Variants in RAF1 observed in about 807,000 individuals in gnomAD.
RAF1 encodes the protein Raf-1 proto-oncogene, serine/threonine kinase, also known as RAF proto-oncogene serine/threonine-protein kinase.
A neutral mutation model predicts 81.1 loss-of-function variants in RAF1; 27 were observed. That is an observed-to-expected ratio of 0.33 (90% CI 0.25 to 0.46). The LOEUF (loss-of-function observed/expected upper bound fraction) is 0.46. Ranked by LOEUF, RAF1 falls within the 20% of genes least tolerant of loss-of-function variation. The pLI, the probability that RAF1 is intolerant of heterozygous loss-of-function variation, is 1.00. For missense variants in RAF1, 598 were observed against 826.0 expected (o/e 0.72, Z 3.38); for synonymous variants, 298 against 294.0 (o/e 1.01, Z -0.14).
chr3:12,608,622 ACT>A, intron 5 of RAF1, 142 bp downstream of exon 5: 1 of 949,740 alleles, frequency 1.1e-6, no homozygotes, highest in South Asian at 1.4e-5. Flanking sequence ...CAGAATTATC[ACT>A]GTTTCTAAAG....
intron 2 of RAF1, among the ~76,000 whole-genome samples, chr3:12,617,451 G>A (rs1436298037): frequency 6.6e-6 from 1 of 151,882 alleles, no homozygotes; most frequent in East Asian, 1.9e-4. Context: ...GATGGGGTTT[G>A]CCACGTTGCC....
rs767277606 is a variant in RAF1 at position 12,584,586 on chromosome 3, C to T, written c.1935G>A (p.Leu645=). The T allele has an allele frequency of 8.7e-6, 14 of 1,614,160 alleles. No homozygotes were observed. Among genetic ancestry groups the T allele is most frequent in the Admixed American group, 1.7e-5 (1 of 60,020 alleles). ...TATCCTCAGTGTGGGCTGCCCGATG[C>T]AAGGATGGCTCGGAAGCGCTCCGGT... Residue 645 remains leucine (L), a synonymous_variant, in exon 18 of 18, where the codon TTG becomes TTA. Coordinates refer to ENST00000442415, the MANE Select transcript of RAF1 (RefSeq NM_001354689.3).
At chr3:12,661,402 T>A (rs1042436881) in intron 1 of RAF1, among the ~76,000 whole-genome samples, 11 of 152,060 alleles carry the variant, frequency 7.2e-5, no homozygotes, top group African/African-American at 2.7e-4. Context: ...GGGGAGTACA[T>A]TACTTATATT....
chr3:12,617,229 C>T (rs1488795373), intron 2 of RAF1, among the ~76,000 whole-genome samples: 1 of 152,222 alleles, frequency 6.6e-6, no homozygotes, highest in East Asian at 1.9e-4. Context: ...TCTCCTGCCT[C>T]AGCCTCCCAA....
intron 1 of RAF1, among the ~76,000 whole-genome samples, chr3:12,654,687 T>TG (rs61390908): frequency 4.1e-5 from 5 of 120,520 alleles, no homozygotes; most frequent in Middle Eastern, 4.2e-3. Context: ...TTTTTTTTTT[T>TG]GCTTATTTTT....
chr3:12,659,980 T>C (rs1318516881), intron 1 of RAF1, among the ~76,000 whole-genome samples: 1 of 152,214 alleles, frequency 6.6e-6, no homozygotes, highest in Non-Finnish European at 1.5e-5. Flanking sequence ...ATACATTTAC[T>C]AGTAATAGAC....
chr3:12,585,203 C>T lies in RAF1; in HGVS notation c.1647G>A (p.Ser549=), dbSNP rs114687276. ...ATACGATGCCATAGGAGTAGACATCCGACTGGAAACTGAATGGGTTGTTAT... is the reference window on the plus strand; with the variant it reads ...ATACGATGCCATAGGAGTAGACATCTGACTGGAAACTGAATGGGTTGTTAT... Residue 549 remains serine (S), a synonymous_variant, in exon 16 of 18, where the codon TCG becomes TCA. Coordinates refer to ENST00000442415, the MANE Select transcript of RAF1 (RefSeq NM_001354689.3). The T allele has an allele frequency of 5.1e-5, 83 of 1,614,114 alleles. No individual in the cohort carries two copies. In the African/African-American group the frequency reaches 6.5e-4, roughly 13 times the overall value.
chr3:12,656,968 G>C (rs2060713991), intron 1 of RAF1, among the ~76,000 whole-genome samples: 1 of 149,370 alleles, frequency 6.7e-6, no homozygotes, highest in Non-Finnish European at 1.5e-5. Flanking sequence ...CTGTACGCCA[G>C]CCTTTGTGAT....
At chr3:12,645,348 G>A (rs1247648338) in intron 1 of RAF1, among the ~76,000 whole-genome samples, 2 of 151,994 alleles carry the variant, frequency 1.3e-5, no homozygotes, top group African/African-American at 4.8e-5. Context: ...GAATTAAGCA[G>A]GCTAAAGCAG....
chr3:12,617,929 C>G (rs2059429161), intron 2 of RAF1, among the ~76,000 whole-genome samples: 1 of 147,100 alleles, frequency 6.8e-6, no homozygotes, highest in Non-Finnish European at 1.5e-5. Context: ...TATCAGAAAA[C>G]CTAGTGGCAG....
At chr3:12,590,201 T>G (rs1362158553) in intron 13 of RAF1, 3 of 154,374 alleles carry the variant, frequency 1.9e-5, no homozygotes. Flanking sequence ...TTGCCACAGC[T>G]GTCCAAGCAG....
intron 1 of RAF1, among the ~76,000 whole-genome samples, chr3:12,653,508 G>A (rs1056739873): frequency 6.6e-6 from 1 of 152,104 alleles, no homozygotes; most frequent in Non-Finnish European, 1.5e-5. Flanking sequence ...CACTTTGGGA[G>A]GCCGAGCTGG....
intron 13 of RAF1, chr3:12,587,928 T>G: frequency 8.6e-6 from 2 of 231,830 alleles, no homozygotes; most frequent in Non-Finnish European, 1.6e-5. Flanking sequence ...CACCTCCCAG[T>G]AGCCGGGACC....
chr3:12,610,094 A>C (rs2059162055), intron 3 of RAF1, among the ~76,000 whole-genome samples: 1 of 152,238 alleles, frequency 6.6e-6, no homozygotes, highest in African/African-American at 2.4e-5. Flanking sequence ...TTCTGTGCCT[A>C]CAGTATAAAT....
chr3:12,639,449 A>G (rs944951296), intron 1 of RAF1, among the ~76,000 whole-genome samples: 2 of 152,194 alleles, frequency 1.3e-5, no homozygotes, highest in Non-Finnish European at 2.9e-5. Flanking sequence ...TTTGCAGATG[A>G]CATGATTGTA....
rs2125316270 is a variant in RAF1 at position 12,584,571 on chromosome 3, G to A, written c.1950C>T (p.His650=). 2.5e-6 allele frequency: 4 copies of A among 1,614,190 alleles called. No individual in the cohort carries two copies. Among genetic ancestry groups the A allele is most frequent in the Non-Finnish European group, 3.4e-6 (4 of 1,180,036 alleles). Residue 650 remains histidine, a synonymous_variant, in exon 18 of 18, where the codon CAC becomes CAT. Coordinates refer to ENST00000442415, the MANE Select transcript of RAF1 (RefSeq NM_001354689.3). ...GCGTGCAAGCATTGATATCCTCAGT[G>A]TGGGCTGCCCGATGCAAGGATGGCT...
At chr3:12,635,790 G>C (rs897600878) in intron 1 of RAF1, among the ~76,000 whole-genome samples, 2 of 151,622 alleles carry the variant, frequency 1.3e-5, no homozygotes, top group Admixed American at 6.6e-5. Context: ...TGGCTAACAC[G>C]GTGAAACCCC....
rs2125347586 is a variant in RAF1, at chr3:12,591,750, G to A, written c.1211C>T (p.Pro404Leu). The A allele has an allele frequency of 3.1e-6, 5 of 1,614,208 alleles. No homozygotes were observed. Among genetic ancestry groups the A allele is most frequent in the South Asian group, 1.1e-5 (1 of 91,082 alleles). The stretch of plus-strand genomic sequence containing the variant: ...ATTCCTGAAGGCCTGGAATTGCTCT[G>A]GGGTTGGGTCGACAACCTTTAGGAT... Residue 404 changes from proline (P) to leucine (L), a missense_variant, in exon 12 of 18, where the codon CCA becomes CTA. By Grantham distance (98) the Pro-to-Leu change is moderately conservative (BLOSUM62 -3). Transcript: ENST00000442415.
chr3:12,647,799 A>G (rs1273774609), intron 1 of RAF1, among the ~76,000 whole-genome samples: 1 of 152,138 alleles, frequency 6.6e-6, no homozygotes, highest in Non-Finnish European at 1.5e-5. Context: ...CCTCTTTCTC[A>G]ATTTCTGACC....
Sources: allele counts gnomAD v4.1 joint callset (sites outside exome capture counted in the v4.1 genomes callset), GRCh38; gene constraint gnomAD v4.1.1; transcripts MANE v1.5; gene names NCBI Gene and HGNC (gene_info 2026-07-23, HGNC 2026-07-21).